The following IGF1R variants were observed in gnomAD, a reference collection of about 807,000 sequenced individuals.
IGF1R encodes insulin like growth factor 1 receptor, also known as insulin-like growth factor 1 receptor.
Under a neutral mutation model 144.6 loss-of-function variants are expected in IGF1R, and 44 were observed. The ratio of observed to expected loss-of-function variants is 0.30; its 90% CI spans 0.24 to 0.39. The LOEUF is 0.39. Ranked by LOEUF, IGF1R falls within the 10% of genes least tolerant of loss-of-function variation. IGF1R has a pLI of 1.00. For synonymous variants in IGF1R, 795 were observed against 722.8 expected (o/e 1.10, Z -1.60); for missense variants, 1,355 against 1,833.7 (o/e 0.74, Z 4.77).
intron 2 of IGF1R, among the ~76,000 whole-genome samples, chr15:98,752,928 T>A (rs1244333955): frequency 5.3e-5 from 2 of 37,948 alleles, no homozygotes; most frequent in Non-Finnish European, 1.2e-4. Context: ...TGGAAAATCA[T>A]ACTATTTTTT....
chr15:98,674,851 T>C (rs1484104613), intron 1 of IGF1R, among the ~76,000 whole-genome samples: 1 of 152,094 alleles, frequency 6.6e-6, no homozygotes, highest in Non-Finnish European at 1.5e-5. Flanking sequence ...ATTAGTAGTA[T>C]ACTATGTACA....
chr15:98,728,303 CTGGGTGGGG>C (rs1382159166), intron 2 of IGF1R, among the ~76,000 whole-genome samples: 1 of 152,084 alleles, frequency 6.6e-6, no homozygotes, highest in African/African-American at 2.4e-5. Flanking sequence ...GCTGGCCGGG[CTGGGTGGGG>C]ATGAGAATGG....
rs374057431 is a variant in IGF1R, at chr15:98,959,387, C to T, written c.*1945C>T. On this transcript the variant is annotated 3_prime_UTR_variant, in exon 21 of 21. Transcript: ENST00000650285. The stretch of plus-strand genomic sequence containing the variant: ...GCCCTCGCCACCCCCCTCACCGGAC[C>T]GACTGACCTGTCTTTGGAACCAGAA... 1.5e-4 allele frequency: 34 copies of T among 233,768 alleles called. No homozygotes were observed. The highest frequency in any genetic ancestry group is 3.4e-4 in the Admixed American group (6 of 17,806). The allele number at this position is 233,768 out of a possible 1,614,324, so 14.5% of individuals were successfully genotyped here.
In IGF1R at chr15:98,649,561, A is replaced by G. The variant is rs776969388; in HGVS notation, c.-21A>G. 8.4e-7 allele frequency: 1 copy of G among 1,195,328 alleles called. No individual in the cohort carries two copies. The highest frequency in any genetic ancestry group is 1.3e-5 in the South Asian group (1 of 78,596). The allele number at this position is 1,195,328 out of a possible 1,614,324, so 74.0% of individuals were successfully genotyped here. A position where few individuals can be genotyped will look rare whatever the true frequency, so the allele number is the denominator to read the frequency against. Reference sequence around the variant, plus strand: ...TTTTTTTTTTTTTTGAGAAAGGGGAATTTCATCCCAAATAAAAGGAATGAA... The same window carrying G: ...TTTTTTTTTTTTTTGAGAAAGGGGAGTTTCATCCCAAATAAAAGGAATGAA... On this transcript the variant is annotated 5_prime_UTR_variant, in exon 1 of 21. Coordinates refer to ENST00000650285, the MANE Select transcript of IGF1R (RefSeq NM_000875.5).
chr15:98,825,412 A>T (rs1451211904), intron 2 of IGF1R, among the ~76,000 whole-genome samples: 1 of 152,186 alleles, frequency 6.6e-6, no homozygotes, highest in Non-Finnish European at 1.5e-5. Context: ...TGGGCCACAG[A>T]CCAGTCCCGG....
At chr15:98,893,219 T>A (rs2151647117) in intron 3 of IGF1R, among the ~76,000 whole-genome samples, 1 of 152,346 alleles carries the variant, frequency 6.6e-6, no homozygotes, top group South Asian at 2.1e-4. Flanking sequence ...GGGGATTCTT[T>A]TTCTAGTGTA....
At chr15:98,810,993 C>G (rs1203295565) in intron 2 of IGF1R, among the ~76,000 whole-genome samples, 3 of 152,048 alleles carry the variant, frequency 2.0e-5, no homozygotes, top group Non-Finnish European at 4.4e-5. Context: ...TGTAGACAAC[C>G]TAGAATGTTA....
chr15:98,836,288 T>C (rs1347023881), intron 2 of IGF1R, among the ~76,000 whole-genome samples: 1 of 151,870 alleles, frequency 6.6e-6, no homozygotes, highest in African/African-American at 2.4e-5. Context: ...ATCCCAGTGC[T>C]CTGGGAAACC....
intron 1 of IGF1R, among the ~76,000 whole-genome samples, chr15:98,699,139 C>T (rs2053665143): frequency 6.6e-6 from 1 of 152,240 alleles, no homozygotes. Flanking sequence ...CAGGTGCCTG[C>T]TCAGCATGGG....
chr15:98,673,811 C>T (rs2052961509), intron 1 of IGF1R, among the ~76,000 whole-genome samples: 1 of 152,204 alleles, frequency 6.6e-6, no homozygotes, highest in Non-Finnish European at 1.5e-5. Context: ...ACCTGATAAG[C>T]ACCAGGTCTG....
Position 98,707,329 on chromosome 15 carries a change from G to A in IGF1R, c.95-233G>A, listed in dbSNP as rs1001359518. On this transcript the variant is annotated intron_variant, in intron 1 of 20. Transcript: ENST00000650285. This position sits in a 1 kb window ranked among gnomAD's most constrained non-coding sequence, Gnocchi z 6.7. ...ACGGGGATGGCCTCTCCCATGGTCG[G>A]TTGGAGTGTGTTGCACAGCGTCTGG... is the stretch of plus-strand genomic sequence containing the variant. Among the ~76,000 whole-genome samples the A allele has an allele frequency of 2.0e-5, 3 of 152,160 alleles. No homozygotes were observed. The highest frequency in any genetic ancestry group is 2.0e-4 in the Admixed American group (3 of 15,272).
intron 1 of IGF1R, among the ~76,000 whole-genome samples, chr15:98,653,170 A>G (rs552238941): frequency 6.6e-6 from 1 of 152,148 alleles, no homozygotes; most frequent in Non-Finnish European, 1.5e-5. Flanking sequence ...TCTTGGTTCT[A>G]TGTAGCTTCA....
At chr15:98,737,840 G>T (rs1009980521) in intron 2 of IGF1R, among the ~76,000 whole-genome samples, 7 of 152,102 alleles carry the variant, frequency 4.6e-5, no homozygotes, top group Non-Finnish European at 8.8e-5. Context: ...TCTCTCTCTT[G>T]CTCAGGGTCT....
chr15:98,931,785 G>T (rs1178247422), intron 15 of IGF1R, among the ~76,000 whole-genome samples: 1 of 151,970 alleles, frequency 6.6e-6, no homozygotes, highest in Non-Finnish European at 1.5e-5. Context: ...GATTACCTGA[G>T]CCCAAGAGCT....
At chr15:98,955,365 C>T (rs145939365) in intron 20 of IGF1R, among the ~76,000 whole-genome samples, 1 of 152,336 alleles carries the variant, frequency 6.6e-6, no homozygotes, top group African/African-American at 2.4e-5. Context: ...GGAACCTGCA[C>T]CCTTCCTTCT....
rs555091497 is a variant in IGF1R, at chr15:98,811,799, G to A, written c.641-79526G>A. ...AAATTCTCTGGGCGTGTTGGCGGGC[G>A]CCTGTAGTCCCAGCTACTCCGGAGG... On this transcript the variant is annotated intron_variant, in intron 2 of 20. Coordinates refer to ENST00000650285, the MANE Select transcript of IGF1R (RefSeq NM_000875.5). Among the ~76,000 whole-genome samples the A allele has an allele frequency of 7.9e-5, 12 of 152,068 alleles. 1 individual carries two copies. Among genetic ancestry groups the A allele is most frequent in the East Asian group, 5.9e-4 (3 of 5,120 alleles).
chr15:98,833,952 A>G (rs1191347704), intron 2 of IGF1R, among the ~76,000 whole-genome samples: 2 of 152,094 alleles, frequency 1.3e-5, no homozygotes, highest in African/African-American at 4.8e-5. Context: ...TACTCGAATT[A>G]CCCTTGTTGA....
chr15:98,762,238 C>CT (rs5814898), intron 2 of IGF1R, among the ~76,000 whole-genome samples: 1,557 of 95,688 alleles, frequency 0.016, 47 homozygotes, highest in African/African-American at 0.058. Flanking sequence ...CTTTTCTTTT[C>CT]TTTTTTTTTT....
intron 2 of IGF1R, among the ~76,000 whole-genome samples, chr15:98,741,241 T>G (rs1567105136): frequency 1.3e-5 from 2 of 148,442 alleles, no homozygotes. Flanking sequence ...TGAGCTTTTT[T>G]TTTTTTTTTT....
Sources: allele counts gnomAD v4.1 joint callset (sites outside exome capture counted in the v4.1 genomes callset), GRCh38; gene constraint gnomAD v4.1.1; non-coding constraint Gnocchi (gnomAD v3.1); transcripts MANE v1.5; gene names NCBI Gene and HGNC (gene_info 2026-07-23, HGNC 2026-07-21).